HCAR3: variants seen among roughly 807,000 people sequenced by gnomAD.
The protein encoded by HCAR3 is hydroxycarboxylic acid receptor 3, also known as G-protein coupled receptor 109B.
For missense variants in HCAR3, 404 were observed against 501.2 expected (o/e 0.81, Z 1.85); for synonymous variants, 167 against 201.0 (o/e 0.83, Z 1.43).
In HCAR3 at chr12:122,715,450, T is replaced by C. The variant is rs1877508103; in HGVS notation, c.*124A>G. 8.9e-7 allele frequency: 1 copy of C among 1,117,440 alleles called. No individual in the cohort carries two copies. Among genetic ancestry groups the C allele is most frequent in the Non-Finnish European group, 1.3e-6 (1 of 775,480 alleles). The allele number at this position is 1,117,440 out of a possible 1,614,324, so 69.2% of individuals were successfully genotyped here. A position where few individuals can be genotyped will look rare whatever the true frequency, so the allele number is the denominator to read the frequency against. On this transcript the variant is annotated 3_prime_UTR_variant, in exon 1 of 1. Coordinates refer to ENST00000528880, the MANE Select transcript of HCAR3 (RefSeq NM_006018.3). ...TCAGATGCCTAGAAGCTTTACTCTC[T>C]GTTCCTCCAGGATTCCTGCGGTCAC... is the stretch of plus-strand genomic sequence containing the variant.
chr12:122,715,118 T>C lies in HCAR3; in HGVS notation c.*456A>G. The C allele has an allele frequency of 6.0e-6, 1 of 166,324 alleles. No individual in the cohort carries two copies. The highest frequency in any genetic ancestry group is 1.4e-4 in the South Asian group (1 of 7,166). The allele number at this position is 166,324 out of a possible 1,614,324, so 10.3% of individuals were successfully genotyped here. A position where few individuals can be genotyped will look rare whatever the true frequency, so the allele number is the denominator to read the frequency against. On this transcript the variant is annotated 3_prime_UTR_variant, in exon 1 of 1. Transcript: ENST00000528880. Reference sequence around the variant, plus strand: ...ATGTGAGTCTCTTCCCTGAGTCCATTTCTGCTAAAGATTGTCTGAAAGATG... The same window carrying C: ...ATGTGAGTCTCTTCCCTGAGTCCATCTCTGCTAAAGATTGTCTGAAAGATG...
chr12:122,715,615 G>A lies in HCAR3; in HGVS notation c.1123C>T (p.Pro375Ser). ...CCCAACTGTTTCTCCAGAGATGCTG[G>A]TTCTTGGTGACAATGTCCCTTCTTG... is the stretch of plus-strand genomic sequence containing the variant. Reference protein sequence around the residue: ...HSKKGHCHQEPASLEKQLGCC... With the variant: ...HSKKGHCHQESASLEKQLGCC... The change falls in exon 1 of 1, where the codon CCA becomes TCA. Residue 375 changes from proline (P) to serine (S), a missense_variant. Coordinates refer to ENST00000528880, the MANE Select transcript of HCAR3 (RefSeq NM_006018.3). 7 of 1,613,616 alleles carry A rather than the reference G, an allele frequency of 4.3e-6. No individual in the cohort carries two copies. Among genetic ancestry groups the A allele is most frequent in the Non-Finnish European group, 5.1e-6 (6 of 1,179,878 alleles).
In HCAR3 at chr12:122,716,146, A is replaced by G. The variant is rs17884481; in HGVS notation, c.592T>C (p.Phe198Leu). Residue 198 changes from phenylalanine (F) to leucine (L), a missense_variant, in exon 1 of 1, where the codon TTC becomes CTC. Transcript: ENST00000528880. ...AACAGGATGATGCCCAGGGGCAGGA[A>G]GAACTCCAGGAGGAACATAGCTTCG... ...WHEAMFLLEF[F>L]LPLGIILFCS... is the part of the protein sequence containing the mutation. The G allele has an allele frequency of 0.54, 875,695 of 1,612,078 alleles. 241,761 individuals are homozygous for G. Among genetic ancestry groups the G allele is most frequent in the Non-Finnish European group, 0.57 (672,929 of 1,179,038 alleles).
Position 122,716,773 on chromosome 12 carries a change from T to C in HCAR3, c.-36A>G. The C allele has an allele frequency of 6.2e-7, 1 of 1,602,042 alleles. No homozygotes were observed. The highest frequency in any genetic ancestry group is 8.5e-7 in the Non-Finnish European group (1 of 1,172,294). ...AGTGAGTCCGATGGAGCGCCTCGCC[T>C]AGTGAATGCTCCAGCAAAGTGGCGT... On this transcript the variant is annotated 5_prime_UTR_variant, in exon 1 of 1. Coordinates refer to ENST00000528880, the MANE Select transcript of HCAR3 (RefSeq NM_006018.3).
At position 122,716,573 on chromosome 12, in the gene HCAR3, G is replaced by A; in HGVS notation, c.165C>T (p.His55=). ...TCCGGCTGGATTTCCAGGACTTGAG[G>A]TGGAAACAGAAAATCCACAGGGCAA... ...NGLALWIFCF[H]LKSWKSSRIF... Residue 55 remains histidine, a synonymous_variant, in exon 1 of 1, where the codon CAC becomes CAT. Coordinates refer to ENST00000528880, the MANE Select transcript of HCAR3 (RefSeq NM_006018.3). 1 of 1,614,104 alleles carries A rather than the reference G, an allele frequency of 6.2e-7. No homozygotes were observed.
Position 122,716,614 on chromosome 12 carries a change from G to A in HCAR3, c.124C>T (p.Leu42Phe), listed in dbSNP as rs749492236. 6 of 1,614,176 alleles carry A rather than the reference G, an allele frequency of 3.7e-6. No individual in the cohort carries two copies. In the East Asian group the frequency reaches 8.9e-5, roughly 24 times the overall value. The change falls in exon 1 of 1, where the codon CTT (leucine) becomes TTT (phenylalanine). Residue 42 changes from leucine (L) to phenylalanine (F), a missense_variant. Leu to Phe is a conservative substitution (Grantham distance 22). Transcript: ENST00000528880. The stretch of plus-strand genomic sequence containing the variant: ...CACAGGGCAAGGCCATTGCCCAGAA[G>A]CCCAAAGATAAACTCCAGCCCCAAC... ...PVLGLEFIFG[L>F]LGNGLALWIF...
rs1270034391 is a variant in HCAR3 at position 122,715,924 on chromosome 12, C to T, written c.814G>A (p.Val272Met). 6.4e-7 allele frequency: 1 copy of T among 1,564,824 alleles called. No homozygotes were observed. Among genetic ancestry groups the T allele is most frequent in the South Asian group, 1.1e-5 (1 of 89,662 alleles). ...GTQNCEVYRS[V>M]DLAFFITLSF... is the part of the protein sequence containing the mutation. ...AGAGTGATAAAGAACGCCAGGTCCACCGAGCGGTACACTTCACAATTCTGC... is the reference window on the plus strand; with the variant it reads ...AGAGTGATAAAGAACGCCAGGTCCATCGAGCGGTACACTTCACAATTCTGC... Residue 272 changes from valine to methionine, a missense_variant, in exon 1 of 1, where the codon GTG (valine) becomes ATG (methionine). Transcript: ENST00000528880.
chr12:122,716,628 T>A lies in HCAR3; in HGVS notation c.110A>T (p.Glu37Val), dbSNP rs748683048. 1.2e-6 allele frequency: 2 copies of A among 1,613,946 alleles called. No homozygotes were observed. The highest frequency in any genetic ancestry group is 1.6e-4 in the Middle Eastern group (1 of 6,062). ...ATTGCCCAGAAGCCCAAAGATAAAC[T>A]CCAGCCCCAACACCGGCGGCAACAC... ...AKVLPPVLGL[E>V]FIFGLLGNGL... is the part of the protein sequence containing the mutation. Residue 37 changes from glutamate (E) to valine (V), a missense_variant, in exon 1 of 1, where the codon GAG (glutamate) becomes GTG (valine). Transcript: ENST00000528880.
chr12:122,716,231 G>C lies in HCAR3; in HGVS notation c.507C>G (p.Ile169Met), dbSNP rs756392547. Residue 169 changes from isoleucine to methionine, a missense_variant, in exon 1 of 1, where the codon ATC becomes ATG. By Grantham distance (10) the Ile-to-Met change is conservative. Coordinates refer to ENST00000528880, the MANE Select transcript of HCAR3 (RefSeq NM_006018.3). Reference sequence around the variant, plus strand: ...TGCACACATTTGCAGTGCCATTCTGGATCAGCAACTTCTTCTTCAGGAGGT... The same window carrying C: ...TGCACACATTTGCAGTGCCATTCTGCATCAGCAACTTCTTCTTCAGGAGGT... Reference protein sequence around the residue: ...TVHLLKKKLLIQNGTANVCIS... With the variant: ...TVHLLKKKLLMQNGTANVCIS... The C allele has an allele frequency of 8.7e-6, 14 of 1,614,120 alleles. No homozygotes were observed. Among genetic ancestry groups the C allele is most frequent in the Middle Eastern group, 1.6e-4 (1 of 6,062 alleles).
rs553165107 is a variant in HCAR3 at position 122,716,757 on chromosome 12, G to A, written c.-20C>T. On this transcript the variant is annotated 5_prime_UTR_variant, in exon 1 of 1. Transcript: ENST00000528880. ...ATTCATGAGTGCAGCTAGTGAGTCC[G>A]ATGGAGCGCCTCGCCTAGTGAATGC... 1.0e-5 allele frequency: 16 copies of A among 1,607,844 alleles called. No homozygotes were observed. Among genetic ancestry groups the A allele is most frequent in the South Asian group, 7.7e-5 (7 of 90,672 alleles).
chr12:122,715,309 G>A lies in HCAR3; in HGVS notation c.*265C>T. On this transcript the variant is annotated 3_prime_UTR_variant, in exon 1 of 1. Transcript: ENST00000528880. ...GCTGAGCCCCCTCCAGTCTGAGGCA[G>A]ATGTGGGAAGAAGGCCAACAAGTCA... 2.3e-6 allele frequency: 1 copy of A among 440,270 alleles called. No homozygotes were observed. Among genetic ancestry groups the A allele is most frequent in the Admixed American group, 4.0e-5 (1 of 24,858 alleles). The allele number at this position is 440,270 out of a possible 1,614,324, so 27.3% of individuals were successfully genotyped here.
In HCAR3 at chr12:122,715,970, C is replaced by G; in HGVS notation, c.768G>C (p.Trp256Cys). ...TCTGCGTGCCCGAAGTGTGCAGGAG[C>G]CAGAAGATGTGGATCCGCACAACCA... ...PSVVVRIHIF[W>C]LLHTSGTQNC... The change falls in exon 1 of 1, where the codon TGG becomes TGC. Residue 256 changes from tryptophan to cysteine, a missense_variant. By Grantham distance (215) the Trp-to-Cys change is radical. Coordinates refer to ENST00000528880, the MANE Select transcript of HCAR3 (RefSeq NM_006018.3). 6.5e-7 allele frequency: 1 copy of G among 1,532,976 alleles called. No homozygotes were observed. Among genetic ancestry groups the G allele is most frequent in the Non-Finnish European group, 9.0e-7 (1 of 1,114,836 alleles). 95.0% of individuals were successfully genotyped at this position (1,532,976 alleles called of 1,614,324 possible). A position where few individuals can be genotyped will look rare whatever the true frequency, so the allele number is the denominator to read the frequency against.
At position 122,715,682 on chromosome 12, in the gene HCAR3, T is replaced by G. The variant is rs763182576; in HGVS notation, c.1056A>C (p.Pro352=). The change falls in exon 1 of 1, where the codon CCA becomes CCC. Residue 352 remains proline, a synonymous_variant. Transcript: ENST00000528880. ...TTGGGCCCAGATAAGAGGGGCTCCA[T>G]GGCTCACCGGAGTTGGCGATTAACG... ...PEALIANSGE[P]WSPSYLGPTS... is the part of the protein sequence containing the mutation. 2 of 1,613,746 alleles carry G rather than the reference T, an allele frequency of 1.2e-6. No individual in the cohort carries two copies. Among genetic ancestry groups the G allele is most frequent in the Non-Finnish European group, 8.5e-7 (1 of 1,179,850 alleles).
At position 122,716,525 on chromosome 12, in the gene HCAR3, T is replaced by C. The variant is rs3825152; in HGVS notation, c.213A>G (p.Val71=). 2.8e-3 allele frequency: 4,570 copies of C among 1,614,136 alleles called. 17 individuals carry two copies. The highest frequency in any genetic ancestry group is 3.4e-3 in the Non-Finnish European group (3,954 of 1,180,020). Residue 71 remains valine (V), a synonymous_variant, in exon 1 of 1, where the codon GTA becomes GTG. Coordinates refer to ENST00000528880, the MANE Select transcript of HCAR3 (RefSeq NM_006018.3). ...GGCAGATGATCAGTAGAAAGTCAGC[T>C]ACTGCCAGGTTGAACAGGAAAATCC... ...SSRIFLFNLA[V]ADFLLIICLP...
chr12:122,716,045 G>A lies in HCAR3; in HGVS notation c.693C>T (p.Thr231=), dbSNP rs2135493004. Residue 231 remains threonine (T), a synonymous_variant, in exon 1 of 1, where the codon ACC becomes ACT. Coordinates refer to ENST00000528880, the MANE Select transcript of HCAR3 (RefSeq NM_006018.3). ...AGACGATGGCCACCACCATGATGAAGGTGATGGCTCTCTTGATCTTGGCAT... is the reference window on the plus strand; with the variant it reads ...AGACGATGGCCACCACCATGATGAAAGTGATGGCTCTCTTGATCTTGGCAT... ...DRHAKIKRAI[T]FIMVVAIVFV... is the part of the protein sequence containing the mutation. 2 of 1,607,414 alleles carry A rather than the reference G, an allele frequency of 1.2e-6. No individual in the cohort carries two copies. The highest frequency in any genetic ancestry group is 1.7e-6 in the Non-Finnish European group (2 of 1,175,632).
Position 122,716,261 on chromosome 12 carries a change from T to C in HCAR3, c.477A>G (p.Thr159=). ...CLLWGITVGL[T]VHLLKKKLLI... is the part of the protein sequence containing the mutation. ...GCAACTTCTTCTTCAGGAGGTGGAC[T>C]GTTAGGCCAACAGTGATGCCCCACA... Residue 159 remains threonine, a synonymous_variant, in exon 1 of 1, where the codon ACA becomes ACG. Coordinates refer to ENST00000528880, the MANE Select transcript of HCAR3 (RefSeq NM_006018.3). 6.2e-7 allele frequency: 1 copy of C among 1,614,108 alleles called. No individual in the cohort carries two copies. The highest frequency in any genetic ancestry group is 1.7e-5 in the Admixed American group (1 of 60,012).
Position 122,715,224 on chromosome 12 carries a change from C to A in HCAR3, c.*350G>T. 5.5e-6 allele frequency: 1 copy of A among 183,424 alleles called. No individual in the cohort carries two copies. Among genetic ancestry groups the A allele is most frequent in the South Asian group, 1.1e-4 (1 of 9,086 alleles). 11.4% of individuals were successfully genotyped at this position (183,424 alleles called of 1,614,324 possible). On this transcript the variant is annotated 3_prime_UTR_variant, in exon 1 of 1. Coordinates refer to ENST00000528880, the MANE Select transcript of HCAR3 (RefSeq NM_006018.3). ...CCTCCAGGAACAACACAATTCCCTC[C>A]AATCTCAGCTCTCCTTATCCCTGCT...
Position 122,716,594 on chromosome 12 carries a change from G to A in HCAR3, c.144C>T (p.Ala48=). Residue 48 remains alanine, a synonymous_variant, in exon 1 of 1, where the codon GCC becomes GCT. Transcript: ENST00000528880. The part of the protein sequence containing the change: ...FIFGLLGNGL[A]LWIFCFHLKS... ...TGAGGTGGAAACAGAAAATCCACAG[G>A]GCAAGGCCATTGCCCAGAAGCCCAA... is the stretch of plus-strand genomic sequence containing the variant. 2.5e-6 allele frequency: 4 copies of A among 1,614,100 alleles called. No homozygotes were observed. The highest frequency in any genetic ancestry group is 3.4e-6 in the Non-Finnish European group (4 of 1,180,028).
Position 122,716,781 on chromosome 12 carries a change from G to C in HCAR3, c.-44C>G. On this transcript the variant is annotated 5_prime_UTR_variant, in exon 1 of 1. Transcript: ENST00000528880. The stretch of plus-strand genomic sequence containing the variant: ...CGATGGAGCGCCTCGCCTAGTGAAT[G>C]CTCCAGCAAAGTGGCGTGTGTCTGT... 6.3e-7 allele frequency: 1 copy of C among 1,599,238 alleles called. No homozygotes were observed.
Sources: gnomAD v4.1 joint callset for allele counts on GRCh38, gnomAD v4.1.1 for gene constraint, MANE v1.5 for transcripts, NCBI Gene and HGNC (gene_info 2026-07-23, HGNC 2026-07-21) for gene names.